Variants in ABCA13 observed in about 807,000 individuals in gnomAD.
The protein encoded by ABCA13 is ATP binding cassette subfamily A member 13, also known as ATP-binding cassette sub-family A member 13.
In ABCA13, 476 loss-of-function variants were observed where a neutral mutation model predicts 478.7. That is an observed-to-expected ratio of 0.99 (90% confidence interval 0.92 to 1.07). The LOEUF is 1.07. Ranked by LOEUF, ABCA13 falls within the 50% of genes least tolerant of loss-of-function variation. ABCA13 has a pLI of 0.00. For missense variants in ABCA13, 6,060 were observed against 5,910.6 expected (o/e 1.03, Z -0.83); for synonymous variants, 2,252 against 2,158.9 (o/e 1.04, Z -1.20).
chr7:48,519,050 TG>T (rs1483821140), intron 52 of ABCA13, among the ~76,000 whole-genome samples: 1 of 151,922 alleles, frequency 6.6e-6, no homozygotes, highest in African/African-American at 2.4e-5. Context: ...CACTTATAAG[TG>T]GGAATATGCA....
rs571096644 is a variant in ABCA13, at chr7:48,300,460, A to G, written c.9321+1973A>G. On this transcript the variant is annotated intron_variant, in intron 23 of 61. Coordinates refer to ENST00000435803, the MANE Select transcript of ABCA13 (RefSeq NM_152701.5). ...AAGAAGGTCAGTGTTAAGAGACCAG[A>G]AAGTTCTATCATGCAAATAGAACAC... Among the ~76,000 whole-genome samples the G allele has an allele frequency of 1.1e-3, 170 of 152,390 alleles. 1 individual carries two copies. The highest frequency in any genetic ancestry group is 3.8e-3 in the African/African-American group (157 of 41,602).
intron 14 of ABCA13, 98 bp from the exon 15 acceptor site, chr7:48,249,114 C>T (rs753644431): frequency 4.4e-5 from 44 of 1,003,816 alleles, no homozygotes; most frequent in Non-Finnish European, 6.1e-5. Flanking sequence ...GACTGCCATG[C>T]ATTTGCATAT....
chr7:48,225,135 G>GCCTTCCTTCCTTCCTT lies in ABCA13; in HGVS notation c.469-2085_469-2070dup, dbSNP rs1202516045. The stretch of plus-strand genomic sequence containing the variant: ...TGCCTGCCTGCCTGCCTGCCTGCCT[G>GCCTTCCTTCCTTCCTT]CCTTCCTTCCTTCCTTCCTTCCTTC... On this transcript the variant is annotated intron_variant, in intron 5 of 61. Transcript: ENST00000435803. Among the ~76,000 whole-genome samples the GCCTTCCTTCCTTCCTT allele has an allele frequency of 7.1e-3, 495 of 69,864 alleles. 11 individuals carry two copies. Among genetic ancestry groups the GCCTTCCTTCCTTCCTT allele is most frequent in the Admixed American group, 0.011 (68 of 6,074 alleles). 45.8% of individuals were successfully genotyped at this position (69,864 alleles called of 152,430 possible).
At chr7:48,603,519 G>A (rs1300924940) in intron 58 of ABCA13, among the ~76,000 whole-genome samples, 1 of 152,144 alleles carries the variant, frequency 6.6e-6, no homozygotes, top group Non-Finnish European at 1.5e-5. Flanking sequence ...CTGTTTATGT[G>A]ATGGATTATG....
chr7:48,239,210 A>G (rs773306119), intron 8 of ABCA13, 31 bp from the exon 9 acceptor site: 1 of 1,611,184 alleles, frequency 6.2e-7, no homozygotes, highest in Non-Finnish European at 8.5e-7. Flanking sequence ...AAGGAGCTTT[A>G]TGTCTAAATA....
intron 35 of ABCA13, among the ~76,000 whole-genome samples, chr7:48,378,694 G>C: frequency 6.6e-6 from 1 of 152,172 alleles, no homozygotes; most frequent in East Asian, 1.9e-4. Flanking sequence ...TTAAACTTGA[G>C]CTATTTCAGA....
At chr7:48,297,200 C>A in intron 21 of ABCA13, 32 bp from the exon 22 acceptor site, 1 of 1,545,542 alleles carries the variant, frequency 6.5e-7, no homozygotes, top group Non-Finnish European at 8.8e-7. Context: ...TTTTAGCTTG[C>A]CTAATTTAGC....
chr7:48,392,038 C>T lies in ABCA13; in HGVS notation c.11772C>T (p.Asp3924=). 1 of 1,613,972 alleles carries T rather than the reference C, an allele frequency of 6.2e-7. No individual in the cohort carries two copies. Among genetic ancestry groups the T allele is most frequent in the African/African-American group, 1.3e-5 (1 of 75,032 alleles). Residue 3924 remains aspartate (D), a synonymous_variant, in exon 38 of 62, where the codon GAC becomes GAT. Transcript: ENST00000435803. ...RMELGVCPQQ[D]ILLDNLTVRE... Reference sequence around the variant, plus strand: ...AGCTTGGTGTGTGTCCGCAGCAGGACATCCTGTTGGACAACCTCACCGTCC... The same window carrying T: ...AGCTTGGTGTGTGTCCGCAGCAGGATATCCTGTTGGACAACCTCACCGTCC...
At chr7:48,533,992 A>T in intron 55 of ABCA13, among the ~76,000 whole-genome samples, 1 of 151,948 alleles carries the variant, frequency 6.6e-6, no homozygotes, top group Non-Finnish European at 1.5e-5. Context: ...AGCCATTTAC[A>T]TTCAATGTTA....
intron 41 of ABCA13, among the ~76,000 whole-genome samples, chr7:48,420,729 A>ATC (rs2129119708): frequency 8.0e-6 from 1 of 124,560 alleles, no homozygotes; most frequent in East Asian, 2.3e-4. Flanking sequence ...GTAGGGCTTG[A>ATC]TCTTTTTTTT....
Position 48,274,792 on chromosome 7 carries a change from T to C in ABCA13, c.5126T>C (p.Leu1709Pro), listed in dbSNP as rs193007433. The C allele has an allele frequency of 6.5e-4, 1,056 of 1,613,962 alleles. 10 individuals carry two copies. The African/African-American group carries it at 0.013, about 19-fold the overall frequency. Residue 1709 changes from leucine to proline, a missense_variant, in exon 17 of 62, where the codon CTT (leucine) becomes CCT (proline). Transcript: ENST00000435803. ...VGTGNLVVNL[L>P]VGLMEKFADS... Reference sequence around the variant, plus strand: ...ACTGGCAATTTAGTGGTCAATTTGCTTGTTGGCTTGATGGAAAAATTTGCA... The same window carrying C: ...ACTGGCAATTTAGTGGTCAATTTGCCTGTTGGCTTGATGGAAAAATTTGCA...
intron 42 of ABCA13, among the ~76,000 whole-genome samples, chr7:48,434,751 G>C (rs1822601654): frequency 2.0e-5 from 3 of 151,886 alleles, no homozygotes; most frequent in African/African-American, 7.2e-5. Flanking sequence ...CCCCACATCA[G>C]TTATGGAAAT....
At chr7:48,485,729 C>T (rs1360922467) in intron 47 of ABCA13, among the ~76,000 whole-genome samples, 2 of 152,128 alleles carry the variant, frequency 1.3e-5, no homozygotes, top group Non-Finnish European at 2.9e-5. Flanking sequence ...ACATGCATTT[C>T]GCTCATGAGT....
At chr7:48,251,308 T>C (rs1792518492) in intron 15 of ABCA13, among the ~76,000 whole-genome samples, 2 of 152,216 alleles carry the variant, frequency 1.3e-5, no homozygotes, top group South Asian at 4.1e-4. Context: ...GCAACAGGCT[T>C]GTGGTTCAGA....
intron 42 of ABCA13, among the ~76,000 whole-genome samples, chr7:48,446,145 T>C (rs1432708118): frequency 6.6e-6 from 1 of 152,172 alleles, no homozygotes; most frequent in South Asian, 2.1e-4. Context: ...CCTGGGTACT[T>C]AGTAAGATGG....
chr7:48,525,043 C>T (rs10276361), intron 54 of ABCA13, among the ~76,000 whole-genome samples: 33,821 of 152,058 alleles, frequency 0.22, 4,292 homozygotes, highest in South Asian at 0.33. Context: ...TGCATTCATA[C>T]GGTTCCCAGC....
chr7:48,383,383 G>A (rs139561742), intron 35 of ABCA13, among the ~76,000 whole-genome samples: 167 of 152,308 alleles, frequency 1.1e-3, no homozygotes, highest in African/African-American at 3.7e-3. Context: ...ATACGTATGT[G>A]TGTGCACACA....
intron 3 of ABCA13, among the ~76,000 whole-genome samples, chr7:48,217,614 C>G (rs139176632): frequency 7.2e-4 from 109 of 152,290 alleles, no homozygotes; most frequent in African/African-American, 2.5e-3. Flanking sequence ...CTCATTGGGT[C>G]TAAGTTTTCT....
rs567729518 is a variant in ABCA13, at chr7:48,573,511, C to T, written c.14355-6713C>T. ...AGGAGTTTGAGACCAGCCTGGGCAA[C>T]ATAGCGAGACTCCATCTCCACAAAA... On this transcript the variant is annotated intron_variant, in intron 55 of 61. Transcript: ENST00000435803. Among the ~76,000 whole-genome samples, 4 of 152,092 alleles carry T rather than the reference C, an allele frequency of 2.6e-5. No homozygotes were observed. In the East Asian group the frequency reaches 7.7e-4, roughly 29 times the overall value.
Sources: allele counts gnomAD v4.1 joint callset (sites outside exome capture counted in the v4.1 genomes callset), GRCh38; gene constraint gnomAD v4.1.1; transcripts MANE v1.5; gene names NCBI Gene and HGNC (gene_info 2026-07-23, HGNC 2026-07-21).